Variants in MGST1 observed in about 807,000 individuals in gnomAD.
MGST1 encodes microsomal glutathione S-transferase 1.
MGST1 carries 5 observed loss-of-function variants against 8.9 expected under a neutral mutation model. The observed-to-expected ratio is 0.56, with a 90% confidence interval of 0.29 to 1.19. MGST1 has a LOEUF of 1.19. MGST1 is among the 50% of genes most tolerant of loss of function. The pLI, the probability that MGST1 is intolerant of heterozygous loss-of-function variation, is 0.08. For missense variants in MGST1, 182 were observed against 187.4 expected, an observed-to-expected ratio of 0.97 and a Z score of 0.17; for synonymous variants, 54 against 67.8, an observed-to-expected ratio of 0.80 and a Z score of 1.00.
chr12:16,504,825 A>G (rs1006359901), intron 4 of MGST1, among the ~76,000 whole-genome samples: 3 of 152,166 alleles, frequency 2.0e-5, no homozygotes, highest in African/African-American at 7.2e-5. Flanking sequence ...TTAAAATTTA[A>G]CCTTTCAACC....
chr12:16,489,615 T>C (rs111590412), intron 4 of MGST1, among the ~76,000 whole-genome samples: 382 of 152,346 alleles, frequency 2.5e-3, no homozygotes, highest in Non-Finnish European at 2.8e-3. Context: ...CTTTGCATCA[T>C]TTAATGCTTA....
At position 16,500,625 on chromosome 12, in the gene MGST1, G is replaced by A. The variant is rs905681183; in HGVS notation, n.483-88903G>A. Among the ~76,000 whole-genome samples, 1 of 152,118 alleles carries A rather than the reference G, an allele frequency of 6.6e-6. No individual in the cohort carries two copies. The highest frequency in any genetic ancestry group is 1.5e-5 in the Non-Finnish European group (1 of 67,996). ...TTTAGGTCAAAATTAACTTAGAGTC[G>A]TTTTTGACAAAGCAGAGACTTAGAA... On this transcript the variant is annotated intron_variant and non_coding_transcript_variant, in intron 4 of 4. Coordinates refer to the MGST1 transcript ENST00000538857. The surrounding 1 kb of genome is among the most constrained non-coding windows in gnomAD (Gnocchi z 4.3).
At chr12:16,528,193 A>G (rs1474522328) in intron 4 of MGST1, among the ~76,000 whole-genome samples, 1 of 151,986 alleles carries the variant, frequency 6.6e-6, no homozygotes, top group Non-Finnish European at 1.5e-5. Context: ...CGCCTTTTTC[A>G]TTTTGTGGGG....
At chr12:16,553,253 C>T (rs886706423) in intron 4 of MGST1, among the ~76,000 whole-genome samples, 1 of 151,998 alleles carries the variant, frequency 6.6e-6, no homozygotes, top group Non-Finnish European at 1.5e-5. Context: ...GTAGTTAAAA[C>T]GTTTATAGTA....
In MGST1 at chr12:16,475,114, A is replaced by G. The variant is rs774344471; in HGVS notation, n.482+91510A>G. ...GGTACAATCATGTGTGGATTACAGC[A>G]GCAAATCATGTTTCAGAAGGTGCCT... is the stretch of plus-strand genomic sequence containing the variant. On this transcript the variant is annotated intron_variant and non_coding_transcript_variant, in intron 4 of 4. Transcript: ENST00000538857. 5.9e-5 allele frequency among the ~76,000 whole-genome samples: 9 copies of G among 152,204 alleles called. No individual in the cohort carries two copies. In the South Asian group the frequency reaches 1.0e-3, roughly 17 times the overall value.
downstream of MGST1, among the ~76,000 whole-genome samples, chr12:16,382,169 C>T (rs1347406587): frequency 6.6e-6 from 1 of 152,142 alleles, no homozygotes; most frequent in Middle Eastern, 3.2e-3. Context: ...CGCTTTGTTC[C>T]GTTGCTGGTG....
At chr12:16,439,197 A>G (rs1941017047), downstream of MGST1, among the ~76,000 whole-genome samples, 1 of 151,858 alleles carries the variant, frequency 6.6e-6, no homozygotes, top group Admixed American at 6.6e-5. Flanking sequence ...GGACTATTTT[A>G]GAGTTGCATT....
In MGST1 at chr12:16,567,939, C is replaced by A. The variant is rs184080030; in HGVS notation, n.483-21589C>A. On this transcript the variant is annotated intron_variant and non_coding_transcript_variant, in intron 4 of 4. Coordinates refer to the MGST1 transcript ENST00000538857. ...TACTGAGTAGCGATCATGATCTGAC[C>A]CATTTTAACAACATGGTGGGGGTAA... is the stretch of plus-strand genomic sequence containing the variant. Among the ~76,000 whole-genome samples the A allele has an allele frequency of 2.9e-3, 438 of 152,160 alleles. 2 individuals are homozygous for A. The highest frequency in any genetic ancestry group is 3.0e-3 in the Non-Finnish European group (204 of 68,004).
At chr12:16,400,677 C>A in intron 1 of MGST1, 1 of 1,498,948 alleles carries the variant, frequency 6.7e-7, no homozygotes, top group Non-Finnish European at 9.3e-7. Context: ...ATGTTGCCTT[C>A]ATTCCTGCCC....
intron 4 of MGST1, among the ~76,000 whole-genome samples, chr12:16,504,895 C>CT (rs993752713): frequency 6.6e-6 from 1 of 152,070 alleles, no homozygotes; most frequent in African/African-American, 2.4e-5. Flanking sequence ...TCTAATCTTC[C>CT]TTTTTTAAAA....
At chr12:16,432,713 CACACACACACACACACACAG>C (rs968514765) in intron 1 of MGST1, among the ~76,000 whole-genome samples, 2 of 146,686 alleles carry the variant, frequency 1.4e-5, no homozygotes, top group African/African-American at 2.5e-5. Flanking sequence ...CACACACACA[CACACACACACACACACACAG>C]AGAGAGAGAA....
chr12:16,399,117 T>C (rs1328746753), intron 1 of MGST1, among the ~76,000 whole-genome samples: 2 of 152,082 alleles, frequency 1.3e-5, no homozygotes, highest in Admixed American at 6.6e-5. Flanking sequence ...CCTGGAATGC[T>C]CCGAGTAGAT....
chr12:16,348,342 G>A (rs1463415155), intron 1 of MGST1, among the ~76,000 whole-genome samples: 1 of 152,206 alleles, frequency 6.6e-6, no homozygotes, highest in African/African-American at 2.4e-5. Flanking sequence ...AGCCCCTTGG[G>A]ACGGTTCTCA....
chr12:16,522,418 T>G (rs1245464452), intron 4 of MGST1, among the ~76,000 whole-genome samples: 1 of 152,106 alleles, frequency 6.6e-6, no homozygotes, highest in Non-Finnish European at 1.5e-5. Flanking sequence ...GATGGGCCTT[T>G]TTTGACACAG....
chr12:16,501,881 T>C (rs1157795328), intron 4 of MGST1, among the ~76,000 whole-genome samples: 1 of 152,204 alleles, frequency 6.6e-6, no homozygotes, highest in Non-Finnish European at 1.5e-5. Context: ...GTGAATTAAA[T>C]ATTAATTTAA....
chr12:16,382,213 T>G (rs1373437510), upstream of MGST1, among the ~76,000 whole-genome samples: 1 of 152,210 alleles, frequency 6.6e-6, no homozygotes, highest in East Asian at 1.9e-4. Flanking sequence ...GGAGAGGCGC[T>G]CTGATTTTTA....
chr12:16,451,313 A>T (rs954222240), intron 4 of MGST1, among the ~76,000 whole-genome samples: 2 of 151,920 alleles, frequency 1.3e-5, no homozygotes, highest in African/African-American at 4.8e-5. Context: ...ACTAGGTCCC[A>T]TGAGGCTAAA....
chr12:16,535,111 T>A (rs921265009), intron 4 of MGST1, among the ~76,000 whole-genome samples: 1 of 152,196 alleles, frequency 6.6e-6, no homozygotes, highest in Non-Finnish European at 1.5e-5. Context: ...TCCAGCATTT[T>A]AAAAATTCTG....
intron 4 of MGST1, among the ~76,000 whole-genome samples, chr12:16,578,872 C>T (rs1015835060): frequency 6.6e-6 from 1 of 151,758 alleles, no homozygotes; most frequent in Non-Finnish European, 1.5e-5. Flanking sequence ...CATTAATTCA[C>T]TAGAAGAATA....
Sources: gnomAD v4.1 joint callset for allele counts (sites outside exome capture counted in the v4.1 genomes callset) on GRCh38, gnomAD v4.1.1 for gene constraint, Gnocchi (gnomAD v3.1) non-coding constraint, MANE v1.5 for transcripts, NCBI Gene and HGNC (gene_info 2026-07-23, HGNC 2026-07-21) for gene names.